The following MBNL1 variants were observed in gnomAD, a reference collection of about 807,000 sequenced individuals.
The protein encoded by MBNL1 is muscleblind-like protein 1.
MBNL1 carries 8 observed loss-of-function variants against 42.2 expected under a neutral mutation model. The observed-to-expected ratio is 0.19, with a 90% CI of 0.11 to 0.34. MBNL1 has a LOEUF of 0.34. Ranked by LOEUF, MBNL1 falls within the 10% of genes least tolerant of loss-of-function variation. The pLI, the probability that MBNL1 is intolerant of heterozygous loss-of-function variation, is 1.00. For synonymous variants in MBNL1, 169 were observed against 173.9 expected (o/e 0.97, Z 0.22); for missense variants, 309 against 495.3 (o/e 0.62, Z 3.57).
At chr3:152,288,255 A>AG (rs1351091657) in intron 1 of MBNL1, among the ~76,000 whole-genome samples, 1 of 152,230 alleles carries the variant, frequency 6.6e-6, no homozygotes, top group African/African-American at 2.4e-5. Flanking sequence ...ATTTTCCAAG[A>AG]GGACATACAT....
intron 2 of MBNL1, among the ~76,000 whole-genome samples, chr3:152,400,445 T>C (rs1277740393): frequency 6.6e-6 from 1 of 152,242 alleles, no homozygotes; most frequent in East Asian, 1.9e-4. Context: ...AACTAAATTG[T>C]ATAGAATCTA....
rs180856482 is a variant in MBNL1 at position 152,319,199 on chromosome 3, C to A, written c.174+18832C>A. 2.1e-3 allele frequency among the ~76,000 whole-genome samples: 323 copies of A among 152,152 alleles called. 2 individuals carry two copies. Among genetic ancestry groups the A allele is most frequent in the African/African-American group, 7.2e-3 (300 of 41,532 alleles). On this transcript the variant is annotated intron_variant, in intron 2 of 9. Transcript: ENST00000324210. The stretch of plus-strand genomic sequence containing the variant: ...GGCCTAAGTTTAAAATGTGTTTTTT[C>A]TTTGCATTTTAAAAGATTGCTTGTG...
chr3:152,375,450 A>AT (rs1355127908), intron 2 of MBNL1, among the ~76,000 whole-genome samples: 1 of 152,200 alleles, frequency 6.6e-6, no homozygotes, highest in Non-Finnish European at 1.5e-5. Context: ...AATAATGATT[A>AT]TAATAATAAA....
intron 2 of MBNL1, among the ~76,000 whole-genome samples, chr3:152,402,450 T>C (rs1490179924): frequency 2.6e-5 from 4 of 152,250 alleles, no homozygotes; most frequent in African/African-American, 9.6e-5. Flanking sequence ...AACTTTCTGA[T>C]TTCACTTCAT....
At chr3:152,332,729 T>C (rs1438202078) in intron 2 of MBNL1, among the ~76,000 whole-genome samples, 188 of 131,892 alleles carry the variant, frequency 1.4e-3, no homozygotes, top group African/African-American at 2.4e-3. Context: ...TGTGTGTGTG[T>C]GTGTGTGTGT....
intron 1 of MBNL1, among the ~76,000 whole-genome samples, chr3:152,296,248 C>T (rs1160973783): frequency 6.6e-6 from 1 of 152,124 alleles, no homozygotes; most frequent in East Asian, 1.9e-4. Context: ...GGAGTTTCTT[C>T]AGCACATTTG....
chr3:152,256,971 C>T (rs554251542), intron 2 of MBNL1, among the ~76,000 whole-genome samples: 5 of 152,126 alleles, frequency 3.3e-5, no homozygotes, highest in Non-Finnish European at 5.9e-5. Flanking sequence ...CTTTTGAGTG[C>T]TCCTGGCAAC....
intron 2 of MBNL1, among the ~76,000 whole-genome samples, chr3:152,327,905 A>G (rs531171344): frequency 3.3e-5 from 5 of 152,072 alleles, no homozygotes; most frequent in South Asian, 2.1e-4. Context: ...GTTCTTGCTG[A>G]CCCAAAGAAA....
At chr3:152,357,890 G>A (rs954068098) in intron 2 of MBNL1, among the ~76,000 whole-genome samples, 7 of 152,186 alleles carry the variant, frequency 4.6e-5, no homozygotes, top group African/African-American at 1.7e-4. Context: ...TCAGGACATG[G>A]ATGGTGGCAG....
chr3:152,382,867 T>A (rs192067981), intron 2 of MBNL1, among the ~76,000 whole-genome samples: 1 of 152,258 alleles, frequency 6.6e-6, no homozygotes, highest in East Asian at 1.9e-4. Context: ...TAATGCTACT[T>A]TATCTTGTAT....
rs999671140 is a variant in MBNL1, at chr3:152,463,498, G to C, written c.*1132G>C. The C allele has an allele frequency of 6.6e-6, 1 of 152,416 alleles. No homozygotes were observed. Among genetic ancestry groups the C allele is most frequent in the African/African-American group, 2.4e-5 (1 of 41,408 alleles). 9.4% of individuals were successfully genotyped at this position (152,416 alleles called of 1,614,324 possible). A position where few individuals can be genotyped will look rare whatever the true frequency, so the allele number is the denominator to read the frequency against. On this transcript the variant is annotated 3_prime_UTR_variant, in exon 10 of 10. Transcript: ENST00000324210. ...CTTCATCACAGTCACATTCAAAATA[G>C]TGACTCTAAACAAAGAAGAAAGCAG...
chr3:152,445,391 T>C lies in MBNL1; in HGVS notation c.659T>C (p.Val220Ala), dbSNP rs2099208343. 2 of 1,614,146 alleles carry C rather than the reference T, an allele frequency of 1.2e-6. No homozygotes were observed. Among genetic ancestry groups the C allele is most frequent in the East Asian group, 4.5e-5 (2 of 44,886 alleles). The change falls in exon 5 of 10, where the codon GTG (valine) becomes GCG (alanine). Residue 220 changes from valine (V) to alanine (A), a missense_variant. Transcript: ENST00000324210. The part of the protein sequence containing the change: ...MIDTNDNTVT[V>A]CMDYIKGRCS... ...GACACCAATGACAACACAGTCACTGTGTGTATGGATTACATCAAAGGGAGA... is the reference window on the plus strand; with the variant it reads ...GACACCAATGACAACACAGTCACTGCGTGTATGGATTACATCAAAGGGAGA...
chr3:152,429,492 A>G (rs1335197652), intron 3 of MBNL1, among the ~76,000 whole-genome samples: 1 of 152,258 alleles, frequency 6.6e-6, no homozygotes, highest in Non-Finnish European at 1.5e-5. Flanking sequence ...AGTATCAAAT[A>G]TACCAATTAC....
chr3:152,379,006 A>G (rs1171240060), intron 2 of MBNL1, among the ~76,000 whole-genome samples: 4 of 152,156 alleles, frequency 2.6e-5, no homozygotes, highest in African/African-American at 9.7e-5. Flanking sequence ...ATGAGCCACC[A>G]TGCCTGGCCT....
chr3:152,375,482 G>A (rs2096857676), intron 2 of MBNL1, among the ~76,000 whole-genome samples: 1 of 152,134 alleles, frequency 6.6e-6, no homozygotes, highest in African/African-American at 2.4e-5. Flanking sequence ...GGGTGTGGTG[G>A]CTCATGCCTG....
chr3:152,253,210 C>G (rs2034926665), intron 2 of MBNL1, among the ~76,000 whole-genome samples: 1 of 152,128 alleles, frequency 6.6e-6, no homozygotes, highest in African/African-American at 2.4e-5. Context: ...ACCCCTCTGT[C>G]TGCTCCATCA....
intron 1 of MBNL1, among the ~76,000 whole-genome samples, chr3:152,286,334 ATT>A (rs2051775269): frequency 7.0e-6 from 1 of 143,676 alleles, no homozygotes; most frequent in Admixed American, 7.1e-5. Context: ...ATTTAATTAT[ATT>A]TTATTTATAA....
At chr3:152,250,415 CTGTT>C (rs1268336646) in intron 2 of MBNL1, among the ~76,000 whole-genome samples, 5 of 151,452 alleles carry the variant, frequency 3.3e-5, no homozygotes, top group Admixed American at 6.6e-5. Context: ...ATTTGGCTCT[CTGTT>C]TGTCTGTTGT....
intron 2 of MBNL1, among the ~76,000 whole-genome samples, chr3:152,244,599 C>CAAA (rs1170312574): frequency 2.3e-4 from 35 of 152,250 alleles, no homozygotes; most frequent in African/African-American, 7.7e-4. Context: ...AATACATTTA[C>CAAA]AAAGCTTCAG....
Sources: gnomAD v4.1 joint callset for allele counts (sites outside exome capture counted in the v4.1 genomes callset) on GRCh38, gnomAD v4.1.1 for gene constraint, MANE v1.5 for transcripts, NCBI Gene and HGNC (gene_info 2026-07-23, HGNC 2026-07-21) for gene names.